The following DPH6 variants were observed in gnomAD, a reference collection of about 807,000 sequenced individuals.
DPH6 encodes diphthine--ammonia ligase.
In DPH6, 33 loss-of-function variants were observed where a neutral mutation model predicts 38.2. The observed-to-expected ratio is 0.86, with a 90% CI of 0.65 to 1.15. The LOEUF is 1.15. DPH6 is among the 50% of genes most tolerant of loss of function. The pLI, the probability that DPH6 is intolerant of heterozygous loss-of-function variation, is 0.00. For missense variants in DPH6, 325 were observed against 320.0 expected, an observed-to-expected ratio of 1.02 and a Z score of -0.12; for synonymous variants, 108 against 103.0, an observed-to-expected ratio of 1.05 and a Z score of -0.30.
intron 5 of DPH6, among the ~76,000 whole-genome samples, chr15:35,435,103 C>G (rs2053680708): frequency 6.6e-6 from 1 of 152,086 alleles, no homozygotes; most frequent in Admixed American, 6.5e-5. Flanking sequence ...TTAAGTAATA[C>G]TGTATTGTTA....
At chr15:35,412,491 G>A (rs2140997030) in intron 5 of DPH6, among the ~76,000 whole-genome samples, 1 of 151,674 alleles carries the variant, frequency 6.6e-6, no homozygotes, top group East Asian at 1.9e-4. Flanking sequence ...GTTTACCCAA[G>A]GTATTAAAAA....
the DPH6 span, among the ~76,000 whole-genome samples, chr15:35,191,012 A>T: frequency 6.6e-6 from 1 of 152,220 alleles, no homozygotes; most frequent in African/African-American, 2.4e-5. Context: ...TATTTAAGGA[A>T]GTGCTCAGCA....
chr15:35,235,122 C>T (rs1349909220), intron 3 of DPH6, among the ~76,000 whole-genome samples: 2 of 152,340 alleles, frequency 1.3e-5, no homozygotes, highest in South Asian at 2.1e-4. Flanking sequence ...TTTACCATTT[C>T]CGGGCATTCA....
intron 3 of DPH6, among the ~76,000 whole-genome samples, chr15:35,275,730 A>T (rs937616267): frequency 6.8e-6 from 1 of 147,742 alleles, no homozygotes; most frequent in Non-Finnish European, 1.5e-5. Context: ...AAAAAAAAAT[A>T]ATAATATTAG....
the DPH6 span, among the ~76,000 whole-genome samples, chr15:35,147,242 T>C: frequency 6.6e-6 from 1 of 152,186 alleles, no homozygotes; most frequent in Admixed American, 6.5e-5. Flanking sequence ...TTGCCCAAAG[T>C]CTTGTAGCTC....
chr15:35,222,808 C>T (rs1320910351), intron 3 of DPH6, among the ~76,000 whole-genome samples: 2 of 152,054 alleles, frequency 1.3e-5, no homozygotes, highest in Non-Finnish European at 2.9e-5. Flanking sequence ...ATTTACATTG[C>T]CAGGGTGAAA....
intron 5 of DPH6, among the ~76,000 whole-genome samples, chr15:35,425,044 C>T (rs189242584): frequency 6.1e-4 from 93 of 151,700 alleles, no homozygotes; most frequent in African/African-American, 2.1e-3. Context: ...TACATTTCTG[C>T]AAATGTACTC....
intron 3 of DPH6, among the ~76,000 whole-genome samples, chr15:35,468,068 A>T (rs1440954022): frequency 6.6e-6 from 1 of 152,230 alleles, no homozygotes; most frequent in Non-Finnish European, 1.5e-5. Flanking sequence ...GAATTTCTTG[A>T]AAAATATTTC....
chr15:35,362,296 T>G (rs2052620810), intron 3 of DPH6, among the ~76,000 whole-genome samples: 1 of 152,188 alleles, frequency 6.6e-6, no homozygotes, highest in Non-Finnish European at 1.5e-5. Context: ...GAGCTCTCTT[T>G]GCAGCTTTCT....
At chr15:35,162,667 T>C in the DPH6 span, among the ~76,000 whole-genome samples, 1 of 151,840 alleles carries the variant, frequency 6.6e-6, no homozygotes, top group South Asian at 2.1e-4. Flanking sequence ...TTATAATAAT[T>C]TTTTTAATCA....
the DPH6 span, among the ~76,000 whole-genome samples, chr15:35,206,107 C>A: frequency 1.3e-5 from 2 of 151,560 alleles, no homozygotes; most frequent in South Asian, 2.1e-4. Context: ...TTTGTGATTG[C>A]GAAAATAAGG....
intron 5 of DPH6, among the ~76,000 whole-genome samples, chr15:35,418,601 G>A (rs4511486): frequency 1.3e-5 from 2 of 152,040 alleles, no homozygotes; most frequent in African/African-American, 4.8e-5. Context: ...GTATCAATGG[G>A]AAGCAATTAC....
In DPH6 at chr15:35,285,473, C is replaced by T. The variant is rs113402743; in HGVS notation, n.201-64891G>A. ...ATAAGCTCTCTCTCTTTGCCTGCTG[C>T]CATCCACATAAGATGTGACTTGCTC... On this transcript the variant is annotated intron_variant and non_coding_transcript_variant, in intron 3 of 3. Coordinates refer to the DPH6 transcript ENST00000560386. Among the ~76,000 whole-genome samples, 64 of 152,258 alleles carry T rather than the reference C, an allele frequency of 4.2e-4. 1 individual carries two copies. The highest frequency in any genetic ancestry group is 3.4e-3 in the Middle Eastern group (1 of 294).
chr15:35,491,218 A>G (rs2054472687), intron 3 of DPH6, among the ~76,000 whole-genome samples: 1 of 152,054 alleles, frequency 6.6e-6, no homozygotes. Flanking sequence ...AATGGATGGA[A>G]GGATAAAGAC....
At chr15:35,156,016 T>A in the DPH6 span, among the ~76,000 whole-genome samples, 1 of 152,202 alleles carries the variant, frequency 6.6e-6, no homozygotes, top group Non-Finnish European at 1.5e-5. Flanking sequence ...TTTATATTCT[T>A]TCACCTCTGA....
At chr15:35,497,328 T>TGAAA (rs1253956811) in intron 3 of DPH6, among the ~76,000 whole-genome samples, 1 of 152,164 alleles carries the variant, frequency 6.6e-6, no homozygotes, top group African/African-American at 2.4e-5. Flanking sequence ...ATTTTTAAAG[T>TGAAA]GAAATTTTTA....
At chr15:35,272,434 G>A (rs2051828539) in intron 3 of DPH6, among the ~76,000 whole-genome samples, 1 of 152,160 alleles carries the variant, frequency 6.6e-6, no homozygotes, top group Non-Finnish European at 1.5e-5. Flanking sequence ...TTATGTCCTT[G>A]CTGATATTGT....
At chr15:35,410,175 T>G (rs1160645390) in intron 6 of DPH6, among the ~76,000 whole-genome samples, 1 of 151,778 alleles carries the variant, frequency 6.6e-6, no homozygotes, top group Non-Finnish European at 1.5e-5. Context: ...CATAGGAGAT[T>G]TTCTTTTTTC....
chr15:35,508,432 A>T (rs906853411), intron 3 of DPH6, among the ~76,000 whole-genome samples: 1 of 152,142 alleles, frequency 6.6e-6, no homozygotes, highest in African/African-American at 2.4e-5. Context: ...AATGAATGTA[A>T]AACATGTTAC....
Sources: allele counts gnomAD v4.1 joint callset (sites outside exome capture counted in the v4.1 genomes callset), GRCh38; gene constraint gnomAD v4.1.1; transcripts MANE v1.5; gene names NCBI Gene and HGNC (gene_info 2026-07-23, HGNC 2026-07-21).